WDR27: variants seen among roughly 807,000 people sequenced by gnomAD.
WDR27 encodes WD repeat domain 27.
Under a neutral mutation model 114.4 loss-of-function variants are expected in WDR27, and 100 were observed. The observed-to-expected ratio is 0.87, with a 90% CI of 0.74 to 1.03. The LOEUF is 1.03. WDR27 is among the 50% of genes least tolerant of loss of function. WDR27 has a pLI of 0.00. For synonymous variants in WDR27, 449 were observed against 423.1 expected, an observed-to-expected ratio of 1.06 and a Z score of -0.75; for missense variants, 1,129 against 1,092.9, an observed-to-expected ratio of 1.03 and a Z score of -0.47.
At chr6:169,441,231 T>G in the WDR27 span, among the ~76,000 whole-genome samples, 1 of 152,134 alleles carries the variant, frequency 6.6e-6, no homozygotes, top group Non-Finnish European at 1.5e-5. Context: ...GGGTCCCTGA[T>G]GTTGACTACC....
the WDR27 span, among the ~76,000 whole-genome samples, chr6:169,435,249 G>A: frequency 6.6e-6 from 1 of 152,238 alleles, no homozygotes; most frequent in Non-Finnish European, 1.5e-5. Flanking sequence ...TGCTGCAGGG[G>A]TGGGAGCCCC....
intron 25 of WDR27, among the ~76,000 whole-genome samples, chr6:169,531,472 TC>T (rs1402267303): frequency 3.3e-5 from 5 of 152,094 alleles, no homozygotes; most frequent in Admixed American, 6.5e-5. Flanking sequence ...GTCAAATACT[TC>T]CTGGCAGAGA....
chr6:169,429,684 T>C, the WDR27 span, among the ~76,000 whole-genome samples: 1 of 152,176 alleles, frequency 6.6e-6, no homozygotes, highest in Non-Finnish European at 1.5e-5. Context: ...AGCAGGCATT[T>C]CAACTTTGTC....
At chr6:169,538,560 T>C (rs1189929861) in intron 25 of WDR27, among the ~76,000 whole-genome samples, 1 of 152,122 alleles carries the variant, frequency 6.6e-6, no homozygotes, top group Non-Finnish European at 1.5e-5. Flanking sequence ...TTCGAAATAG[T>C]TATTTTCCTA....
intron 22 of WDR27, among the ~76,000 whole-genome samples, chr6:169,610,390 A>G (rs1291336122): frequency 1.3e-5 from 2 of 152,194 alleles, no homozygotes; most frequent in Non-Finnish European, 2.9e-5. Flanking sequence ...CAGCCTCACA[A>G]TCATGGTGGA....
chr6:169,482,006 T>G (rs113061755), intron 25 of WDR27, among the ~76,000 whole-genome samples: 1,786 of 152,340 alleles, frequency 0.012, 39 homozygotes, highest in African/African-American at 0.041. Flanking sequence ...CTATGTGCCA[T>G]GAGTTCTCAT....
intron 18 of WDR27, among the ~76,000 whole-genome samples, chr6:169,637,555 T>A (rs184452594): frequency 6.6e-6 from 1 of 152,350 alleles, no homozygotes; most frequent in Admixed American, 6.5e-5. Context: ...TGCATGTGTG[T>A]GAATATGTGG....
intron 17 of WDR27, 118 bp from the exon 18 acceptor site, chr6:169,638,778 G>T: frequency 7.6e-7 from 1 of 1,308,414 alleles, no homozygotes; most frequent in Non-Finnish European, 1.0e-6. Flanking sequence ...CAAGTAATTA[G>T]GGGCGCGCCA....
At chr6:169,624,246 G>A (rs973375669) in intron 21 of WDR27, among the ~76,000 whole-genome samples, 2 of 152,054 alleles carry the variant, frequency 1.3e-5, no homozygotes, top group Non-Finnish European at 2.9e-5. Flanking sequence ...GCCATGTGGG[G>A]CGTCAGGTGC....
In WDR27 at chr6:169,496,559, C is replaced by T. The variant is rs141125609; in HGVS notation, c.2646-38925G>A. Among the ~76,000 whole-genome samples the T allele has an allele frequency of 4.5e-4, 69 of 152,130 alleles. No homozygotes were observed. The East Asian group carries it at 0.012, about 26-fold the overall frequency. Reference sequence around the variant, plus strand: ...TATATAGGAAGCCCTACAGATTCCACAAAAGTGTGTTAGAACAAATGAATA... The same window carrying T: ...TATATAGGAAGCCCTACAGATTCCATAAAAGTGTGTTAGAACAAATGAATA... On this transcript the variant is annotated intron_variant, in intron 25 of 25. Coordinates refer to ENST00000448612, the MANE Select transcript of WDR27 (RefSeq NM_182552.5).
downstream of WDR27, among the ~76,000 whole-genome samples, chr6:169,456,247 C>G (rs1784340294): frequency 1.3e-5 from 2 of 152,104 alleles, no homozygotes; most frequent in Admixed American, 6.6e-5. The surrounding 1 kb of genome is among the most constrained non-coding windows in gnomAD (Gnocchi z 4.0). Flanking sequence ...GAGAAAAATG[C>G]AGGCACATTT....
chr6:169,476,285 G>C (rs1359209270), intron 25 of WDR27, among the ~76,000 whole-genome samples: 2 of 152,184 alleles, frequency 1.3e-5, no homozygotes, highest in African/African-American at 4.8e-5. Context: ...TCTTGAATGT[G>C]TCTAGACTTG....
chr6:169,528,291 T>C (rs962045524), intron 25 of WDR27, among the ~76,000 whole-genome samples: 1 of 152,156 alleles, frequency 6.6e-6, no homozygotes, highest in East Asian at 1.9e-4. Flanking sequence ...AAAAGTTACT[T>C]AAACAGTGGA....
At chr6:169,627,690 G>A (rs934038497) in intron 21 of WDR27, among the ~76,000 whole-genome samples, 5 of 152,198 alleles carry the variant, frequency 3.3e-5, no homozygotes, top group African/African-American at 1.2e-4. Context: ...GTGATGTGAA[G>A]TGTCAGGAGC....
chr6:169,649,062 A>T, intron 15 of WDR27, 136 bp downstream of exon 15: 1 of 617,696 alleles, frequency 1.6e-6, no homozygotes, highest in Non-Finnish European at 2.8e-6. Flanking sequence ...ATATAGATAT[A>T]CATATCTGTG....
intron 25 of WDR27, among the ~76,000 whole-genome samples, chr6:169,517,927 A>T (rs141304012): frequency 6.6e-6 from 1 of 152,232 alleles, no homozygotes; most frequent in African/African-American, 2.4e-5. Flanking sequence ...GTGTCTAGGT[A>T]CAGATAACAG....
At chr6:169,636,865 C>T (rs992862326) in intron 18 of WDR27, among the ~76,000 whole-genome samples, 25 of 152,190 alleles carry the variant, frequency 1.6e-4, no homozygotes, top group Non-Finnish European at 1.6e-4. Context: ...CACAACCAAA[C>T]GTTATGACAC....
intron 22 of WDR27, among the ~76,000 whole-genome samples, chr6:169,607,279 C>T (rs1169185792): frequency 1.3e-5 from 2 of 152,108 alleles, no homozygotes; most frequent in East Asian, 1.9e-4. Flanking sequence ...CAAAAAGACA[C>T]ATGCACTCAT....
intron 22 of WDR27, among the ~76,000 whole-genome samples, chr6:169,610,271 G>A (rs1473184849): frequency 6.6e-5 from 10 of 152,216 alleles, no homozygotes; most frequent in Non-Finnish European, 1.2e-4. Flanking sequence ...TACTGGTACC[G>A]ATTTACTGTA....
Sources: gnomAD v4.1 joint callset for allele counts (sites outside exome capture counted in the v4.1 genomes callset) on GRCh38, gnomAD v4.1.1 for gene constraint, Gnocchi (gnomAD v3.1) non-coding constraint, MANE v1.5 for transcripts, NCBI Gene and HGNC (gene_info 2026-07-23, HGNC 2026-07-21) for gene names.